The following PKNOX1 variants were observed in gnomAD, a reference collection of about 807,000 sequenced individuals.
The protein encoded by PKNOX1 is homeobox protein PKNOX1.
PKNOX1 carries 15 observed loss-of-function variants against 51.9 expected under a neutral mutation model. The observed-to-expected ratio is 0.29, with a 90% CI of 0.19 to 0.45. The LOEUF (loss-of-function observed/expected upper bound fraction) is 0.45. Among genes scored for constraint, PKNOX1 ranks in the 20% least tolerant of loss-of-function variants. PKNOX1 has a pLI of 1.00. For missense variants in PKNOX1, 462 were observed against 547.5 expected, an observed-to-expected ratio of 0.84 and a Z score of 1.56; for synonymous variants, 219 against 211.1, an observed-to-expected ratio of 1.04 and a Z score of -0.32.
chr21:43,012,617 G>A (rs1401267666), intron 4 of PKNOX1, among the ~76,000 whole-genome samples: 4 of 152,150 alleles, frequency 2.6e-5, no homozygotes, highest in Non-Finnish European at 4.4e-5. Context: ...AATCGCAAGA[G>A]AAAATCTTGA....
intron 9 of PKNOX1, among the ~76,000 whole-genome samples, chr21:43,026,543 G>T (rs1979989398): frequency 6.6e-6 from 1 of 152,126 alleles, no homozygotes; most frequent in Admixed American, 6.5e-5. Context: ...CAGATCACGA[G>T]GTCAGGAGTT....
chr21:43,012,038 A>G (rs1979277862), intron 4 of PKNOX1, among the ~76,000 whole-genome samples: 1 of 152,202 alleles, frequency 6.6e-6, no homozygotes, highest in Non-Finnish European at 1.5e-5. Context: ...TGTTTAGCAC[A>G]GGGCCTAGCA....
chr21:42,976,471 T>C (rs1421742684), intron 1 of PKNOX1, among the ~76,000 whole-genome samples: 2 of 152,214 alleles, frequency 1.3e-5, no homozygotes, highest in African/African-American at 4.8e-5. Flanking sequence ...AAAGACTTCT[T>C]TGTAGCATGT....
intron 3 of PKNOX1, among the ~76,000 whole-genome samples, chr21:43,008,965 A>G (rs1798909736): frequency 6.6e-6 from 1 of 152,188 alleles, no homozygotes; most frequent in Admixed American, 6.5e-5. Context: ...CCATCAACTG[A>G]TGAATGAACA....
At chr21:43,006,200 T>A (rs1978980943) in intron 2 of PKNOX1, among the ~76,000 whole-genome samples, 1 of 152,222 alleles carries the variant, frequency 6.6e-6, no homozygotes, top group African/African-American at 2.4e-5. Context: ...CTCAGCTCAC[T>A]GCAACCTCCG....
chr21:42,984,882 T>G (rs2059043618), intron 1 of PKNOX1, among the ~76,000 whole-genome samples: 1 of 130,442 alleles, frequency 7.7e-6, no homozygotes, highest in Non-Finnish European at 1.6e-5. Context: ...AGTTCCACAG[T>G]GCTGTGTGCC....
intron 1 of PKNOX1, among the ~76,000 whole-genome samples, chr21:42,977,380 T>G (rs114740776): frequency 0.014 from 2,166 of 152,178 alleles, 58 homozygotes; most frequent in African/African-American, 0.05. Context: ...AAAATCTGCT[T>G]TTTCGTCTCG....
intron 1 of PKNOX1, among the ~76,000 whole-genome samples, chr21:42,989,301 G>GT (rs1555858337): frequency 2.0e-5 from 3 of 151,702 alleles, no homozygotes; most frequent in African/African-American, 7.3e-5. Flanking sequence ...GTTTTTTTCA[G>GT]TTTTTTTCCA....
At chr21:42,984,073 CGT>C (rs1568887294) in intron 1 of PKNOX1, among the ~76,000 whole-genome samples, 3 of 38,298 alleles carry the variant, frequency 7.8e-5, no homozygotes, top group African/African-American at 1.1e-4. Flanking sequence ...TACGTGTGTG[CGT>C]GTGTGTGCGT....
intron 1 of PKNOX1, among the ~76,000 whole-genome samples, chr21:42,996,879 T>G (rs147071057): frequency 1.1e-4 from 14 of 132,198 alleles, no homozygotes; most frequent in Admixed American, 8.3e-4. Context: ...ATTTAGCTAG[T>G]TTTTGTATTT....
chr21:43,000,260 A>G lies in PKNOX1; in HGVS notation c.-56-4066A>G, dbSNP rs145550628. ...CAGCAACACCCCACTCCTGGTACCAATTTACAGTGTTAGTCCATATTCATG... is the reference window on the plus strand; with the variant it reads ...CAGCAACACCCCACTCCTGGTACCAGTTTACAGTGTTAGTCCATATTCATG... On this transcript the variant is annotated intron_variant, in intron 1 of 10. Coordinates refer to ENST00000291547, the MANE Select transcript of PKNOX1 (RefSeq NM_004571.5). Among the ~76,000 whole-genome samples the G allele has an allele frequency of 2.4e-3, 362 of 152,188 alleles. 1 individual carries two copies. Among genetic ancestry groups the G allele is most frequent in the African/African-American group, 8.1e-3 (335 of 41,526 alleles).
intron 8 of PKNOX1, 189 bp from the exon 9 acceptor site, chr21:43,024,682 C>T (rs1979915539): frequency 3.5e-6 from 2 of 575,614 alleles, no homozygotes; most frequent in Admixed American, 3.1e-5. Flanking sequence ...CCAGCCACTG[C>T]AGCACTAGGA....
At chr21:42,999,993 G>T (rs570943114) in intron 1 of PKNOX1, among the ~76,000 whole-genome samples, 1 of 152,024 alleles carries the variant, frequency 6.6e-6, no homozygotes, top group East Asian at 1.9e-4. Flanking sequence ...CAGTCTCTTT[G>T]CTAAAACATA....
At position 43,009,880 on chromosome 21, in the gene PKNOX1, A is replaced by G. The variant is rs544930483; in HGVS notation, c.180-173A>G. Reference sequence around the variant, plus strand: ...GAAATGTTCCAAAGTTGACGGCGGCAATGCTGTGCAACTGTAAAAACCGTT... The same window carrying G: ...GAAATGTTCCAAAGTTGACGGCGGCGATGCTGTGCAACTGTAAAAACCGTT... On this transcript the variant is annotated intron_variant, in intron 3 of 10. Transcript: ENST00000291547. Among the ~76,000 whole-genome samples, 7 of 152,336 alleles carry G rather than the reference A, an allele frequency of 4.6e-5. No individual in the cohort carries two copies. The East Asian group carries it at 1.3e-3, about 29-fold the overall frequency.
At chr21:43,011,744 C>T (rs932509080) in intron 4 of PKNOX1, among the ~76,000 whole-genome samples, 5 of 152,182 alleles carry the variant, frequency 3.3e-5, no homozygotes, top group African/African-American at 1.2e-4. Context: ...GAATAAATTG[C>T]TGAGGTCTTA....
At chr21:42,987,404 A>AAAAAATATATATATATATAT in intron 1 of PKNOX1, among the ~76,000 whole-genome samples, 10 of 41,406 alleles carry the variant, frequency 2.4e-4, no homozygotes, top group African/African-American at 3.7e-4. Flanking sequence ...AAAAAAAAAA[A>AAAAAATATATATATATATAT]ATATATATAT....
intron 1 of PKNOX1, among the ~76,000 whole-genome samples, chr21:42,986,993 C>T (rs2059055369): frequency 1.3e-5 from 2 of 152,100 alleles, no homozygotes; most frequent in South Asian, 2.1e-4. Context: ...GCTGTGTGGA[C>T]TCCTCCAGCA....
intron 5 of PKNOX1, among the ~76,000 whole-genome samples, chr21:43,014,994 A>G (rs1979428070): frequency 6.6e-6 from 1 of 152,256 alleles, no homozygotes; most frequent in African/African-American, 2.4e-5. Context: ...CTTCCAGTCC[A>G]CAGGTATGGC....
intron 9 of PKNOX1, among the ~76,000 whole-genome samples, chr21:43,027,699 C>T (rs1050082732): frequency 6.6e-6 from 1 of 151,914 alleles, no homozygotes; most frequent in Non-Finnish European, 1.5e-5. Context: ...GCAGGCAGAT[C>T]ACAAGGTGAA....
Sources: gnomAD v4.1 joint callset for allele counts (sites outside exome capture counted in the v4.1 genomes callset) on GRCh38, gnomAD v4.1.1 for gene constraint, MANE v1.5 for transcripts, NCBI Gene and HGNC (gene_info 2026-07-23, HGNC 2026-07-21) for gene names.